Variants in SUGCT observed in about 807,000 individuals in gnomAD.
SUGCT encodes succinyl-CoA:glutarate-CoA transferase, also known as succinyl-CoA:glutarate CoA-transferase.
In SUGCT, 41 loss-of-function variants were observed where a neutral mutation model predicts 55.0. The ratio of observed to expected loss-of-function variants is 0.74; its 90% CI spans 0.58 to 0.97. SUGCT has a LOEUF of 0.97. SUGCT is among the 50% of genes least tolerant of loss of function. SUGCT has a pLI of 0.00. For missense variants in SUGCT, 568 were observed against 547.8 expected, an observed-to-expected ratio of 1.04 and a Z score of -0.37; for synonymous variants, 187 against 200.4, an observed-to-expected ratio of 0.93 and a Z score of 0.56.
the SUGCT span, among the ~76,000 whole-genome samples, chr7:41,032,499 G>C: frequency 6.6e-6 from 1 of 152,076 alleles, no homozygotes; most frequent in South Asian, 2.1e-4. Flanking sequence ...GGAATGTAAA[G>C]GAAAGGCAAG....
chr7:40,878,629 A>G, the SUGCT span, among the ~76,000 whole-genome samples: 21 of 152,130 alleles, frequency 1.4e-4, no homozygotes, highest in African/African-American at 4.6e-4. Context: ...TGGAAGGCAA[A>G]TACTTTACCA....
chr7:40,594,395 C>G (rs1797894850), intron 12 of SUGCT, among the ~76,000 whole-genome samples: 1 of 151,778 alleles, frequency 6.6e-6, no homozygotes, highest in Admixed American at 6.6e-5. Flanking sequence ...CCCAAGTCAT[C>G]TCTACCATAA....
the SUGCT span, among the ~76,000 whole-genome samples, chr7:40,993,156 G>A: frequency 6.6e-6 from 1 of 152,080 alleles, no homozygotes; most frequent in Non-Finnish European, 1.5e-5. Flanking sequence ...GGATCTTCTG[G>A]TTTGTGGACC....
chr7:40,843,049 C>A (rs772881853), intron 13 of SUGCT, among the ~76,000 whole-genome samples: 15 of 152,146 alleles, frequency 9.9e-5, no homozygotes, highest in Non-Finnish European at 1.6e-4. Context: ...GTCCCTCATT[C>A]ACTCCCTCTT....
chr7:40,591,675 C>T (rs1397134112), intron 12 of SUGCT, among the ~76,000 whole-genome samples: 3 of 152,130 alleles, frequency 2.0e-5, no homozygotes, highest in Non-Finnish European at 4.4e-5. Flanking sequence ...GAAATTGCCA[C>T]AGCCACTCCA....
At chr7:40,284,923 C>A (rs1000464618) in intron 8 of SUGCT, among the ~76,000 whole-genome samples, 2 of 151,980 alleles carry the variant, frequency 1.3e-5, no homozygotes, top group Admixed American at 6.6e-5. Flanking sequence ...GAAAACTGAG[C>A]GAAATATAAG....
intron 9 of SUGCT, among the ~76,000 whole-genome samples, chr7:40,431,630 T>C (rs1787901193): frequency 1.3e-5 from 2 of 152,184 alleles, no homozygotes; most frequent in African/African-American, 4.8e-5. Flanking sequence ...TTTATAATTT[T>C]CAGTGTAGAG....
chr7:40,341,516 T>G (rs2151177821), intron 9 of SUGCT, among the ~76,000 whole-genome samples: 1 of 152,294 alleles, frequency 6.6e-6, no homozygotes, highest in East Asian at 1.9e-4. Context: ...TTAAACATGT[T>G]TATAGATAAT....
rs528598590 is a variant in SUGCT at position 40,280,134 on chromosome 7, G to A, written c.720+5478G>A. 2.6e-5 allele frequency among the ~76,000 whole-genome samples: 4 copies of A among 152,254 alleles called. No homozygotes were observed. In the East Asian group the frequency reaches 7.7e-4, roughly 29 times the overall value. On this transcript the variant is annotated intron_variant, in intron 8 of 13. Transcript: ENST00000335693. ...GCTAATTATTAACTCAGAAATGATT[G>A]CCTCAGCCACAACAAAACCATTTCA...
intron 12 of SUGCT, among the ~76,000 whole-genome samples, chr7:40,646,621 G>C (rs1800526763): frequency 6.6e-6 from 1 of 152,054 alleles, no homozygotes; most frequent in African/African-American, 2.4e-5. Context: ...CTTCTCCCGG[G>C]CCAGTCTTTC....
At chr7:40,280,023 C>T (rs924658) in intron 8 of SUGCT, among the ~76,000 whole-genome samples, 151,470 of 152,286 alleles carry the variant, frequency 0.99, 75,331 homozygotes, top group East Asian at 1. Flanking sequence ...TAACATTGAA[C>T]GTTAGTTGCT....
At chr7:40,755,122 A>G (rs1788190858) in intron 13 of SUGCT, among the ~76,000 whole-genome samples, 1 of 152,206 alleles carries the variant, frequency 6.6e-6, no homozygotes, top group African/African-American at 2.4e-5. Context: ...GTTCTAAAAT[A>G]GAGCTAATAA....
chr7:40,426,300 G>A (rs979672111), intron 9 of SUGCT, among the ~76,000 whole-genome samples: 1 of 152,070 alleles, frequency 6.6e-6, no homozygotes, highest in African/African-American at 2.4e-5. Context: ...ATTATAGCAC[G>A]GAGACTGTTA....
At chr7:40,822,137 T>C (rs979960792) in intron 13 of SUGCT, among the ~76,000 whole-genome samples, 2 of 152,188 alleles carry the variant, frequency 1.3e-5, no homozygotes, top group Admixed American at 6.5e-5. Context: ...GACAGTTTGT[T>C]ATAATTTCTG....
chr7:41,012,254 C>T, the SUGCT span, among the ~76,000 whole-genome samples: 12 of 152,242 alleles, frequency 7.9e-5, no homozygotes, highest in Admixed American at 3.3e-4. Context: ...GATTAGCTCA[C>T]GCTCGCCTGT....
intron 12 of SUGCT, among the ~76,000 whole-genome samples, chr7:40,562,270 G>GCCTGGGCGA (rs1795880706): frequency 6.7e-6 from 1 of 149,432 alleles, no homozygotes; most frequent in African/African-American, 2.5e-5. Flanking sequence ...CTGCACTCCA[G>GCCTGGGCGA]CCTGGGCGAC....
At chr7:40,628,246 A>G (rs1799618608) in intron 12 of SUGCT, among the ~76,000 whole-genome samples, 1 of 152,204 alleles carries the variant, frequency 6.6e-6, no homozygotes, top group Non-Finnish European at 1.5e-5. Flanking sequence ...CCCTTGGATA[A>G]AGGGGACTAC....
At chr7:40,351,707 T>C (rs539276978) in intron 9 of SUGCT, among the ~76,000 whole-genome samples, 1 of 152,354 alleles carries the variant, frequency 6.6e-6, no homozygotes, top group Non-Finnish European at 1.5e-5. Flanking sequence ...ATTTAGAGTT[T>C]GGTTAAAAAC....
the SUGCT span, among the ~76,000 whole-genome samples, chr7:41,011,991 T>A: frequency 0.057 from 8,690 of 152,244 alleles, 821 homozygotes; most frequent in African/African-American, 0.2. Flanking sequence ...TCTGTTTCAC[T>A]TCATATTCCA....
Sources: gnomAD v4.1 joint callset for allele counts (sites outside exome capture counted in the v4.1 genomes callset) on GRCh38, gnomAD v4.1.1 for gene constraint, MANE v1.5 for transcripts, NCBI Gene and HGNC (gene_info 2026-07-23, HGNC 2026-07-21) for gene names.